CDC25C: variants seen among roughly 807,000 people sequenced by gnomAD.
CDC25C encodes cell division cycle 25C, also known as M-phase inducer phosphatase 3.
CDC25C carries 48 observed loss-of-function variants against 52.5 expected under a neutral mutation model. The observed-to-expected ratio is 0.91, with a 90% CI of 0.72 to 1.16. The LOEUF is 1.16. CDC25C is among the 50% of genes most tolerant of loss of function. The probability of loss-of-function intolerance (pLI) is 0.00; values close to 1 mark genes in which losing one functional copy is unlikely to be tolerated. For missense variants in CDC25C, 510 were observed against 566.1 expected, an observed-to-expected ratio of 0.90 and a Z score of 1.01; for synonymous variants, 187 against 206.5, an observed-to-expected ratio of 0.91 and a Z score of 0.81.
rs1193657298 is a variant in CDC25C at position 138,285,478 on chromosome 5, C to G, written c.*214G>C. The G allele has an allele frequency of 3.5e-6, 2 of 575,408 alleles. No homozygotes were observed. The highest frequency in any genetic ancestry group is 6.2e-6 in the Non-Finnish European group (2 of 322,528). The allele number at this position is 575,408 out of a possible 1,614,324, so 35.6% of individuals were successfully genotyped here. On this transcript the variant is annotated 3_prime_UTR_variant, in exon 14 of 14. Coordinates refer to ENST00000323760, the MANE Select transcript of CDC25C (RefSeq NM_001790.5). The stretch of plus-strand genomic sequence containing the variant: ...ATACAAATCTCTATGCAACTCAAGG[C>G]TGCCTTATAGAGCCAGCTCCAGGAC...
chr5:138,288,851 T>G (rs1044244206), intron 10 of CDC25C, among the ~76,000 whole-genome samples: 2 of 152,208 alleles, frequency 1.3e-5, no homozygotes, highest in Admixed American at 1.3e-4. Flanking sequence ...CACTAATAGA[T>G]GAAAATGGGA....
At chr5:138,314,886 G>A (rs1228424214) in intron 7 of CDC25C, among the ~76,000 whole-genome samples, 1 of 143,372 alleles carries the variant, frequency 7.0e-6, no homozygotes, top group Non-Finnish European at 1.5e-5. Context: ...CTCCTAAAGT[G>A]CTGGGATTAC....
At chr5:138,336,375 C>T (rs777240055), upstream of CDC25C, among the ~76,000 whole-genome samples, 3 of 152,036 alleles carry the variant, frequency 2.0e-5, no homozygotes, top group African/African-American at 4.8e-5. Context: ...TCAGGTGATC[C>T]GTCTGCCTCA....
At chr5:138,288,188 G>A (rs1756411977) in intron 10 of CDC25C, among the ~76,000 whole-genome samples, 1 of 152,006 alleles carries the variant, frequency 6.6e-6, no homozygotes, top group Non-Finnish European at 1.5e-5. Context: ...CAATTCTCCT[G>A]CCTCAGCCTC....
At chr5:138,318,126 C>T (rs927191421) in intron 7 of CDC25C, among the ~76,000 whole-genome samples, 3 of 151,992 alleles carry the variant, frequency 2.0e-5, no homozygotes, top group Non-Finnish European at 2.9e-5. Context: ...GTCAGGAGTT[C>T]GAGACCAGTC....
chr5:138,294,030 T>TA (rs1440178748), intron 7 of CDC25C, among the ~76,000 whole-genome samples: 1 of 149,722 alleles, frequency 6.7e-6, no homozygotes, highest in South Asian at 2.2e-4. Context: ...TTGGATTTTT[T>TA]TTTTTTTTTT....
At chr5:138,318,454 T>C (rs1425010160) in intron 7 of CDC25C, among the ~76,000 whole-genome samples, 1 of 151,940 alleles carries the variant, frequency 6.6e-6, no homozygotes, top group Non-Finnish European at 1.5e-5. Context: ...TGGCTCACGC[T>C]TGCAATCCCA....
intron 10 of CDC25C, among the ~76,000 whole-genome samples, 172 bp downstream of exon 10, chr5:138,289,329 G>C (rs973374394): frequency 6.6e-6 from 1 of 152,078 alleles, no homozygotes; most frequent in Non-Finnish European, 1.5e-5. Context: ...AAAAACGAAG[G>C]AGAGAGAAGA....
At chr5:138,291,025 A>G (rs1756663574) in intron 8 of CDC25C, among the ~76,000 whole-genome samples, 1 of 152,194 alleles carries the variant, frequency 6.6e-6, no homozygotes, top group Non-Finnish European at 1.5e-5. Context: ...ACTGCAATCC[A>G]GCCTGGGTGA....
intron 7 of CDC25C, among the ~76,000 whole-genome samples, chr5:138,310,323 G>T (rs1580763737): frequency 6.6e-6 from 1 of 152,120 alleles, no homozygotes; most frequent in Non-Finnish European, 1.5e-5. Flanking sequence ...TGCCCTCATA[G>T]GACCTTACAA....
intron 7 of CDC25C, among the ~76,000 whole-genome samples, chr5:138,297,555 T>C (rs926704775): frequency 2.0e-5 from 3 of 152,188 alleles, no homozygotes; most frequent in Non-Finnish European, 4.4e-5. Flanking sequence ...TAGCCATAGG[T>C]AATTTCTTCT....
chr5:138,300,172 A>G (rs1757528084), intron 7 of CDC25C, among the ~76,000 whole-genome samples: 3 of 152,286 alleles, frequency 2.0e-5, no homozygotes, highest in Admixed American at 1.3e-4. Context: ...ACTCCAATTA[A>G]CAAAACAAAA....
intron 7 of CDC25C, among the ~76,000 whole-genome samples, chr5:138,316,122 G>A (rs974073272): frequency 6.6e-5 from 10 of 152,150 alleles, no homozygotes; most frequent in African/African-American, 2.2e-4. Context: ...CTGCCTTCCC[G>A]GGTGCAGCTG....
At chr5:138,299,463 T>G (rs1580733548) in intron 7 of CDC25C, among the ~76,000 whole-genome samples, 1 of 129,502 alleles carries the variant, frequency 7.7e-6, no homozygotes, top group East Asian at 2.2e-4. Flanking sequence ...ACCACTGCCC[T>G]CCAGCCTGGG....
chr5:138,293,253 T>C (rs1266765416), intron 7 of CDC25C, among the ~76,000 whole-genome samples: 1 of 152,088 alleles, frequency 6.6e-6, no homozygotes. Context: ...GTTGAACACA[T>C]CTATTTAGTG....
chr5:138,309,809 C>T (rs1758308137), intron 7 of CDC25C, among the ~76,000 whole-genome samples: 1 of 149,290 alleles, frequency 6.7e-6, no homozygotes, highest in South Asian at 2.1e-4. Context: ...CAGGTTCAAG[C>T]GATTCCCCTG....
At chr5:138,307,621 T>C (rs991499800) in intron 7 of CDC25C, among the ~76,000 whole-genome samples, 3 of 152,120 alleles carry the variant, frequency 2.0e-5, no homozygotes, top group Non-Finnish European at 2.9e-5. Context: ...TATTTAATTA[T>C]TTAAATTTTC....
chr5:138,297,885 G>C (rs992147071), intron 7 of CDC25C, among the ~76,000 whole-genome samples: 1 of 152,080 alleles, frequency 6.6e-6, no homozygotes, highest in Admixed American at 6.6e-5. Flanking sequence ...AAATGAGGAA[G>C]AAAATCATGC....
intron 7 of CDC25C, among the ~76,000 whole-genome samples, chr5:138,304,824 C>G (rs186378753): frequency 3.1e-4 from 47 of 152,160 alleles, no homozygotes; most frequent in African/African-American, 1.1e-3. Flanking sequence ...AACTCTTAAT[C>G]CTTTCTAATC....
Sources: gnomAD v4.1 joint callset for allele counts (sites outside exome capture counted in the v4.1 genomes callset) on GRCh38, gnomAD v4.1.1 for gene constraint, MANE v1.5 for transcripts, NCBI Gene and HGNC (gene_info 2026-07-23, HGNC 2026-07-21) for gene names.